RBFOX1: variants seen among roughly 807,000 people sequenced by gnomAD.
RBFOX1 encodes the protein RNA binding protein fox-1 homolog 1.
A neutral mutation model predicts 57.7 loss-of-function variants in RBFOX1; 8 were observed. That is an observed-to-expected ratio of 0.14 (90% CI 0.08 to 0.25). RBFOX1 has a LOEUF of 0.25. Among genes scored for constraint, RBFOX1 ranks in the 10% least tolerant of loss-of-function variants. RBFOX1 has a pLI of 1.00. For synonymous variants in RBFOX1, 326 were observed against 222.4 expected (o/e 1.47, Z -4.15); for missense variants, 611 against 548.5 (o/e 1.11, Z -1.14).
At chr16:6,697,790 C>A (rs1209000629) in intron 3 of RBFOX1, among the ~76,000 whole-genome samples, 2 of 152,188 alleles carry the variant, frequency 1.3e-5, no homozygotes, top group East Asian at 1.9e-4. Flanking sequence ...GAAGACCCAA[C>A]CTTGGTATTG....
At chr16:5,512,048 A>G (rs956373464) in intron 2 of RBFOX1, among the ~76,000 whole-genome samples, 3 of 152,252 alleles carry the variant, frequency 2.0e-5, no homozygotes, top group Non-Finnish European at 2.9e-5. Flanking sequence ...AAACAATTGC[A>G]TGCAAGATGG....
intron 3 of RBFOX1, among the ~76,000 whole-genome samples, chr16:6,681,953 T>C (rs2058710903): frequency 6.6e-6 from 1 of 152,226 alleles, no homozygotes; most frequent in Non-Finnish European, 1.5e-5. Context: ...TTGATATTAA[T>C]ATCTTTCTTT....
intron 12 of RBFOX1, among the ~76,000 whole-genome samples, chr16:7,663,643 C>T (rs1212598297): frequency 1.3e-5 from 2 of 152,140 alleles, no homozygotes; most frequent in Non-Finnish European, 1.5e-5. Flanking sequence ...ATTAGAACCT[C>T]AGCTTCATTC....
At chr16:6,567,138 GT>G in intron 2 of RBFOX1, among the ~76,000 whole-genome samples, 1 of 152,160 alleles carries the variant, frequency 6.6e-6, no homozygotes, top group East Asian at 1.9e-4. Context: ...ATCGCCTTTG[GT>G]TTGGGGATAA....
chr16:7,700,815 A>G lies in RBFOX1; in HGVS notation c.996-8241A>G, dbSNP rs3785195. On this transcript the variant is annotated intron_variant, in intron 14 of 15. Coordinates refer to ENST00000550418, the MANE Select transcript of RBFOX1 (RefSeq NM_018723.4). ...CTCAAATCTGCTGTTGGGTTTCAGAATAGGAAGAGGTTTTCAGAATAGGAA... is the reference window on the plus strand; with the variant it reads ...CTCAAATCTGCTGTTGGGTTTCAGAGTAGGAAGAGGTTTTCAGAATAGGAA... 0.013 allele frequency among the ~76,000 whole-genome samples: 1,932 copies of G among 151,530 alleles called. 149 individuals carry two copies. The East Asian group carries it at 0.23, about 18-fold the overall frequency.
intron 2 of RBFOX1, among the ~76,000 whole-genome samples, chr16:5,553,630 A>G (rs1012109504): frequency 6.8e-6 from 1 of 146,944 alleles, no homozygotes; most frequent in Admixed American, 6.7e-5. Flanking sequence ...TGAATATTTT[A>G]AAACTGTGCA....
At chr16:6,563,424 A>C (rs1274441368) in intron 2 of RBFOX1, among the ~76,000 whole-genome samples, 16 of 152,144 alleles carry the variant, frequency 1.1e-4, no homozygotes, top group Non-Finnish European at 2.9e-5. Flanking sequence ...TCCCCCCTAG[A>C]TTGGATGTGT....
intron 4 of RBFOX1, among the ~76,000 whole-genome samples, chr16:7,211,903 G>A (rs566658972): frequency 6.6e-6 from 1 of 152,186 alleles, no homozygotes; most frequent in East Asian, 1.9e-4. Flanking sequence ...TGCTGGTCGG[G>A]GGAAGCCAGC....
At chr16:7,565,280 C>T (rs555589568) in intron 5 of RBFOX1, among the ~76,000 whole-genome samples, 7 of 152,216 alleles carry the variant, frequency 4.6e-5, no homozygotes, top group Non-Finnish European at 7.4e-5. Flanking sequence ...TTCCCCCGCC[C>T]GCCACCATCC....
rs1055761948 is a variant in RBFOX1, at chr16:7,166,293, C to T, written c.27+114195C>T. On this transcript the variant is annotated intron_variant, in intron 4 of 15. Transcript: ENST00000550418. ...ACTTCCCAAGTGCTGGGATTATAGG[C>T]GTGAACCACCGCACCCGGCCGGAGT... Among the ~76,000 whole-genome samples the T allele has an allele frequency of 9.2e-5, 14 of 152,150 alleles. No individual in the cohort carries two copies. The Middle Eastern group carries it at 0.017, about 185-fold the overall frequency.
chr16:7,014,544 T>C lies in RBFOX1; in HGVS notation c.-15-37513T>C, dbSNP rs570570216. ...TGATAAGCCTCCCAAAGTGCTAGAA[T>C]TACAGGAGTGAGACACTGCACCCCG... On this transcript the variant is annotated intron_variant, in intron 3 of 15. Coordinates refer to ENST00000550418, the MANE Select transcript of RBFOX1 (RefSeq NM_018723.4). Among the ~76,000 whole-genome samples the C allele has an allele frequency of 7.2e-5, 11 of 152,140 alleles. No homozygotes were observed. The South Asian group carries it at 2.3e-3, about 32-fold the overall frequency.
intron 1 of RBFOX1, among the ~76,000 whole-genome samples, chr16:6,173,296 A>G (rs147818310): frequency 3.3e-5 from 5 of 152,176 alleles, no homozygotes; most frequent in African/African-American, 1.2e-4. Context: ...ACAGATCTCA[A>G]ATATTTGCCA....
At chr16:6,473,099 C>A (rs1055335590) in intron 2 of RBFOX1, among the ~76,000 whole-genome samples, 1 of 152,100 alleles carries the variant, frequency 6.6e-6, no homozygotes, top group Non-Finnish European at 1.5e-5. Flanking sequence ...GTCTTCTGCC[C>A]GGGGACCCCA....
chr16:7,559,114 T>G (rs1601793312), intron 5 of RBFOX1, among the ~76,000 whole-genome samples: 1 of 152,264 alleles, frequency 6.6e-6, no homozygotes, highest in South Asian at 2.1e-4. Context: ...TCCTGAAAGG[T>G]TTAGGCAAAG....
intron 1 of RBFOX1, among the ~76,000 whole-genome samples, chr16:6,085,967 C>T (rs1003122143): frequency 2.0e-5 from 3 of 152,108 alleles, no homozygotes; most frequent in Non-Finnish European, 2.9e-5. Context: ...TATCCTGATG[C>T]TCTCTCTTCC....
intron 5 of RBFOX1, among the ~76,000 whole-genome samples, chr16:7,557,730 C>G (rs1018704283): frequency 2.7e-5 from 4 of 148,064 alleles, no homozygotes; most frequent in Non-Finnish European, 4.5e-5. Flanking sequence ...GTTACAAACA[C>G]ATATTGCTGG....
intron 2 of RBFOX1, among the ~76,000 whole-genome samples, chr16:5,554,866 T>C (rs1409116290): frequency 2.6e-5 from 4 of 152,204 alleles, no homozygotes; most frequent in African/African-American, 9.7e-5. Context: ...TTGTCTCCAA[T>C]GTCACGGGCA....
chr16:6,761,791 C>T (rs1369410070), intron 3 of RBFOX1, among the ~76,000 whole-genome samples: 3 of 152,026 alleles, frequency 2.0e-5, no homozygotes, highest in African/African-American at 7.2e-5. Context: ...AGGCATGAGC[C>T]ACCACGCCTG....
At chr16:6,847,015 G>T (rs192305602) in intron 3 of RBFOX1, among the ~76,000 whole-genome samples, 40 of 152,180 alleles carry the variant, frequency 2.6e-4, no homozygotes, top group African/African-American at 8.9e-4. Context: ...AAAGGGGAAG[G>T]TGTTAAATCC....
Sources: gnomAD v4.1 joint callset for allele counts (sites outside exome capture counted in the v4.1 genomes callset) on GRCh38, gnomAD v4.1.1 for gene constraint, MANE v1.5 for transcripts, NCBI Gene and HGNC (gene_info 2026-07-23, HGNC 2026-07-21) for gene names.